The following GOLPH3 variants were observed in gnomAD, a reference collection of about 807,000 sequenced individuals.
The protein encoded by GOLPH3 is coat protein GPP34.
Under a neutral mutation model 28.5 loss-of-function variants are expected in GOLPH3, and 14 were observed. That is an observed-to-expected ratio of 0.49 (90% CI 0.32 to 0.77). The LOEUF is 0.77. Ranked by LOEUF, GOLPH3 falls within the 30% of genes least tolerant of loss-of-function variation. The pLI, the probability that GOLPH3 is intolerant of heterozygous loss-of-function variation, is 0.03. For synonymous variants in GOLPH3, 158 were observed against 159.2 expected (o/e 0.99, Z 0.06); for missense variants, 350 against 393.7 (o/e 0.89, Z 0.94).
At chr5:32,137,267 T>A (rs984276096) in intron 2 of GOLPH3, among the ~76,000 whole-genome samples, 1 of 151,762 alleles carries the variant, frequency 6.6e-6, no homozygotes, top group Admixed American at 6.6e-5. Context: ...CCCTGAAAGG[T>A]TTCTTTTAAA....
At position 32,174,148 on chromosome 5, in the gene GOLPH3, G is replaced by GATCT; in HGVS notation, c.-115_-114insAGAT. The GATCT allele has an allele frequency of 1.5e-6, 1 of 654,148 alleles. No homozygotes were observed. Among genetic ancestry groups the GATCT allele is most frequent in the Non-Finnish European group, 2.2e-6 (1 of 463,528 alleles). The allele number at this position is 654,148 out of a possible 1,614,324, so 40.5% of individuals were successfully genotyped here. On this transcript the variant is annotated 5_prime_UTR_variant, in exon 1 of 4. It removes the in-frame stop codon of an upstream open reading frame in the 5' UTR. Transcript: ENST00000265070. ...TTTCCGTGTTAAATCCGGACGCCGG[G>GATCT]GCGACGTCCGTCGGCAGCAGGGCCG...
At chr5:32,126,696 T>G in intron 3 of GOLPH3, 60 bp from the exon 4 acceptor site, 2 of 1,329,520 alleles carry the variant, frequency 1.5e-6, no homozygotes, top group Middle Eastern at 2.4e-4. Context: ...TTTGCAAAAA[T>G]TTTGTACTAT....
Position 32,161,061 on chromosome 5 carries a change from C to T in GOLPH3, c.225+12749G>A, listed in dbSNP as rs1337549489. On this transcript the variant is annotated intron_variant, in intron 1 of 3. Transcript: ENST00000265070. ...CAGCCTGGGTGACAGAGCGAGACTC[C>T]GTCTCAAAAAAAAAAAAAAAAAAAA... is the stretch of plus-strand genomic sequence containing the variant. Among the ~76,000 whole-genome samples, 11 of 80,148 alleles carry T rather than the reference C, an allele frequency of 1.4e-4. 1 individual carries two copies. The highest frequency in any genetic ancestry group is 4.4e-4 in the African/African-American group (8 of 18,346). The allele number at this position is 80,148 out of a possible 152,430, so 52.6% of individuals were successfully genotyped here. A position where few individuals can be genotyped will look rare whatever the true frequency, so the allele number is the denominator to read the frequency against.
chr5:32,164,428 C>G (rs983101764), intron 1 of GOLPH3, among the ~76,000 whole-genome samples: 2 of 151,370 alleles, frequency 1.3e-5, no homozygotes, highest in South Asian at 4.1e-4. Context: ...GAGTCTCACT[C>G]TGTTGCCCAG....
chr5:32,167,585 T>G (rs1746745042), intron 1 of GOLPH3, among the ~76,000 whole-genome samples: 1 of 152,188 alleles, frequency 6.6e-6, no homozygotes, highest in South Asian at 2.1e-4. Context: ...TTAGTGAATA[T>G]TTTGACCATA....
intron 1 of GOLPH3, among the ~76,000 whole-genome samples, chr5:32,170,363 A>G (rs931930591): frequency 4.6e-5 from 7 of 152,252 alleles, no homozygotes; most frequent in African/African-American, 1.7e-4. Context: ...TTTAACAAGT[A>G]TATTCACATA....
At chr5:32,150,870 T>C (rs2111869123) in intron 1 of GOLPH3, among the ~76,000 whole-genome samples, 1 of 152,262 alleles carries the variant, frequency 6.6e-6, no homozygotes, top group East Asian at 1.9e-4. Context: ...CACAAATCAA[T>C]GTAACATGGA....
At chr5:32,129,856 T>C (rs546625156) in intron 3 of GOLPH3, among the ~76,000 whole-genome samples, 3 of 152,212 alleles carry the variant, frequency 2.0e-5, no homozygotes, top group African/African-American at 7.2e-5. Flanking sequence ...CCTTTTTTTT[T>C]TTTGAGACGG....
At chr5:32,130,989 G>C (rs924281575) in intron 3 of GOLPH3, among the ~76,000 whole-genome samples, 5 of 152,088 alleles carry the variant, frequency 3.3e-5, no homozygotes, top group Admixed American at 1.3e-4. Context: ...CCTAAACACA[G>C]ACCACCTTCA....
rs1561678587 is a variant in GOLPH3, at chr5:32,158,018, TAAAATACACACACAC to T, written c.226-14153_226-14139del. 4.9e-3 allele frequency among the ~76,000 whole-genome samples: 133 copies of T among 26,978 alleles called. 9 individuals are homozygous for T. The highest frequency in any genetic ancestry group is 0.018 in the African/African-American group (131 of 7,308). 17.7% of individuals were successfully genotyped at this position (26,978 alleles called of 152,430 possible). The stretch of plus-strand genomic sequence containing the variant: ...ATAAATAAATAAATAAATAAATAAA[TAAAATACACACACAC>T]ACACACACACACACACACACACACA... On this transcript the variant is annotated intron_variant, in intron 1 of 3. Transcript: ENST00000265070.
intron 2 of GOLPH3, among the ~76,000 whole-genome samples, chr5:32,136,706 G>A (rs1056407376): frequency 6.6e-6 from 1 of 152,168 alleles, no homozygotes; most frequent in African/African-American, 2.4e-5. Flanking sequence ...AACTTTTTGA[G>A]CACCAACATG....
chr5:32,170,766 T>C (rs1464710663), intron 1 of GOLPH3, among the ~76,000 whole-genome samples: 4 of 150,966 alleles, frequency 2.6e-5, no homozygotes, highest in Non-Finnish European at 4.4e-5. Context: ...GAGACCTCCA[T>C]CTCTTAAAAA....
At chr5:32,162,294 C>A (rs1269122675) in intron 1 of GOLPH3, among the ~76,000 whole-genome samples, 5 of 150,062 alleles carry the variant, frequency 3.3e-5, no homozygotes, top group African/African-American at 1.3e-4. Flanking sequence ...AGATAGAGAC[C>A]ATCCTGGCTA....
intron 3 of GOLPH3, among the ~76,000 whole-genome samples, chr5:32,128,445 G>T (rs1412868355): frequency 6.6e-6 from 1 of 152,096 alleles, no homozygotes; most frequent in Non-Finnish European, 1.5e-5. Flanking sequence ...ATCACCTGAG[G>T]TCAGGAGTTC....
chr5:32,142,183 A>T (rs1005636805), intron 2 of GOLPH3, among the ~76,000 whole-genome samples: 1 of 133,958 alleles, frequency 7.5e-6, no homozygotes. Context: ...GGCCGCCATC[A>T]CATCTGGGAA....
Position 32,126,440 on chromosome 5 carries a change from G to C in GOLPH3, c.669C>G (p.Asp223Glu), listed in dbSNP as rs762730175. ...LIKKVQEAVL[D>E]KWVNDPHRMD... ...TGCGGTGAGGGTCATTCACCCATTTGTCAAGAACGGCTTCCTGTACTTTCT... is the reference window on the plus strand; with the variant it reads ...TGCGGTGAGGGTCATTCACCCATTTCTCAAGAACGGCTTCCTGTACTTTCT... Residue 223 changes from aspartate (D) to glutamate (E), a missense_variant, in exon 4 of 4, where the codon GAC becomes GAG. By Grantham distance (45) the Asp-to-Glu change is conservative. Transcript: ENST00000265070. 1 of 1,614,162 alleles carries C rather than the reference G, an allele frequency of 6.2e-7. No homozygotes were observed. The highest frequency in any genetic ancestry group is 8.5e-7 in the Non-Finnish European group (1 of 1,180,022).
intron 3 of GOLPH3, among the ~76,000 whole-genome samples, chr5:32,132,556 T>C (rs1053439420): frequency 1.3e-5 from 2 of 152,230 alleles, no homozygotes; most frequent in South Asian, 2.1e-4. Context: ...ATTAGATGTA[T>C]AAAACTGTTC....
intron 2 of GOLPH3, 123 bp downstream of exon 2, chr5:32,143,626 A>C: frequency 1.2e-6 from 1 of 837,428 alleles, no homozygotes; most frequent in South Asian, 1.7e-5. Context: ...ATATGGAAAT[A>C]CAATTGAAGA....
chr5:32,129,561 T>C (rs1322583571), intron 3 of GOLPH3, among the ~76,000 whole-genome samples: 1 of 152,140 alleles, frequency 6.6e-6, no homozygotes, highest in Non-Finnish European at 1.5e-5. Flanking sequence ...GAACTAACTA[T>C]ACTGGCCAGA....
Sources: allele counts gnomAD v4.1 joint callset (sites outside exome capture counted in the v4.1 genomes callset), GRCh38; gene constraint gnomAD v4.1.1; transcripts MANE v1.5; gene names NCBI Gene and HGNC (gene_info 2026-07-23, HGNC 2026-07-21).